Variants in SORCS1 observed in about 807,000 individuals in gnomAD.
SORCS1 encodes the protein sortilin related VPS10 domain containing receptor 1, also known as VPS10 domain-containing receptor SorCS1.
In SORCS1, 60 loss-of-function variants were observed where a neutral mutation model predicts 146.1. The ratio of observed to expected loss-of-function variants is 0.41; its 90% CI spans 0.33 to 0.51. The LOEUF (loss-of-function observed/expected upper bound fraction) is 0.51. Among genes scored for constraint, SORCS1 ranks in the 20% least tolerant of loss-of-function variants. SORCS1 has a pLI of 0.21. For missense variants in SORCS1, 1,352 were observed against 1,487.6 expected (o/e 0.91, Z 1.50); for synonymous variants, 637 against 584.0 (o/e 1.09, Z -1.31).
At chr10:106,636,901 T>C (rs957794219) in intron 18 of SORCS1, among the ~76,000 whole-genome samples, 4 of 152,194 alleles carry the variant, frequency 2.6e-5, no homozygotes, top group South Asian at 4.1e-4. Context: ...CATTCCCAGA[T>C]GGGTGCTAAA....
At chr10:107,002,883 A>G (rs1957276188) in intron 1 of SORCS1, among the ~76,000 whole-genome samples, 1 of 152,202 alleles carries the variant, frequency 6.6e-6, no homozygotes, top group South Asian at 2.1e-4. Flanking sequence ...GGGAGTTGTT[A>G]CTGAGATTCC....
chr10:106,878,874 G>A (rs1048698408), intron 2 of SORCS1, among the ~76,000 whole-genome samples: 8 of 151,354 alleles, frequency 5.3e-5, no homozygotes, highest in Non-Finnish European at 1.2e-4. Context: ...TTCCCTGGGC[G>A]CAATGACTCG....
chr10:106,894,266 T>TGTGC (rs1358237002), intron 2 of SORCS1, among the ~76,000 whole-genome samples: 2 of 110,798 alleles, frequency 1.8e-5, no homozygotes, highest in Non-Finnish European at 3.8e-5. Context: ...CGCGCGCACG[T>TGTGC]GTGCGTGTGT....
chr10:106,618,635 G>A (rs1241338492), intron 20 of SORCS1, among the ~76,000 whole-genome samples: 2 of 152,078 alleles, frequency 1.3e-5, no homozygotes, highest in African/African-American at 2.4e-5. Context: ...AATGAGAACG[G>A]GGGCTCATAT....
At chr10:106,976,829 G>A (rs1956046876) in intron 1 of SORCS1, among the ~76,000 whole-genome samples, 1 of 152,070 alleles carries the variant, frequency 6.6e-6, no homozygotes, top group South Asian at 2.1e-4. Context: ...TGAGGATGAT[G>A]GCTTCCAGCT....
chr10:107,125,809 T>C (rs1402344527), intron 1 of SORCS1, among the ~76,000 whole-genome samples: 1 of 152,182 alleles, frequency 6.6e-6, no homozygotes, highest in East Asian at 1.9e-4. Flanking sequence ...GATTTTAACA[T>C]TTCCAGCAAA....
chr10:106,590,797 G>A (rs888372358), intron 24 of SORCS1, among the ~76,000 whole-genome samples: 1 of 152,110 alleles, frequency 6.6e-6, no homozygotes, highest in African/African-American at 2.4e-5. Flanking sequence ...TGGGGCTACA[G>A]GTGCACGCCA....
intron 1 of SORCS1, among the ~76,000 whole-genome samples, chr10:107,100,238 G>A (rs1964822322): frequency 6.6e-6 from 1 of 152,216 alleles, no homozygotes; most frequent in South Asian, 2.1e-4. Flanking sequence ...AATAGGCCGG[G>A]TGCGGTGGCT....
At chr10:106,998,763 G>A (rs1564907246) in intron 1 of SORCS1, among the ~76,000 whole-genome samples, 1 of 152,056 alleles carries the variant, frequency 6.6e-6, no homozygotes, top group Non-Finnish European at 1.5e-5. Flanking sequence ...TAAAAAACTG[G>A]TGGTTATATC....
intron 6 of SORCS1, among the ~76,000 whole-genome samples, chr10:106,719,306 G>A (rs933057763): frequency 6.6e-6 from 1 of 152,138 alleles, no homozygotes; most frequent in African/African-American, 2.4e-5. Flanking sequence ...AGTGAGGGGA[G>A]AAGGTGTGCA....
chr10:106,716,966 T>C (rs1309792538), intron 6 of SORCS1, among the ~76,000 whole-genome samples: 1 of 152,168 alleles, frequency 6.6e-6, no homozygotes, highest in Non-Finnish European at 1.5e-5. Context: ...CAAAAAAATA[T>C]ATTACAGGTC....
At chr10:106,644,238 G>A (rs927712388) in intron 18 of SORCS1, among the ~76,000 whole-genome samples, 9 of 152,140 alleles carry the variant, frequency 5.9e-5, no homozygotes, top group Admixed American at 4.6e-4. Flanking sequence ...TTTTTACAAA[G>A]TGAATGCATC....
chr10:106,657,544 A>G (rs1244644648), intron 17 of SORCS1, among the ~76,000 whole-genome samples: 3 of 151,990 alleles, frequency 2.0e-5, no homozygotes, highest in African/African-American at 7.2e-5. Flanking sequence ...CTAAAATCTC[A>G]GGCTTCATCA....
chr10:106,633,535 T>G (rs1309125282), intron 18 of SORCS1, among the ~76,000 whole-genome samples: 4 of 152,122 alleles, frequency 2.6e-5, no homozygotes, highest in Non-Finnish European at 5.9e-5. Context: ...GTGTTCTAAG[T>G]AGGGGTTTAA....
At chr10:106,991,685 A>G (rs1956778372) in intron 1 of SORCS1, among the ~76,000 whole-genome samples, 1 of 152,166 alleles carries the variant, frequency 6.6e-6, no homozygotes, top group Non-Finnish European at 1.5e-5. Flanking sequence ...CCTGGAGCAG[A>G]GCTGGATTTT....
At chr10:106,588,663 C>T (rs1276306511) in intron 24 of SORCS1, among the ~76,000 whole-genome samples, 3 of 151,960 alleles carry the variant, frequency 2.0e-5, no homozygotes, top group East Asian at 2.0e-4. Flanking sequence ...AGATCGAGAC[C>T]ATCCTGGCCA....
chr10:106,607,382 G>A (rs939489304), intron 22 of SORCS1, 85 bp from the exon 23 acceptor site: 3 of 1,539,988 alleles, frequency 1.9e-6, no homozygotes, highest in South Asian at 1.2e-5. Context: ...GGGATCAGGG[G>A]TAGGCAGAAG....
intron 1 of SORCS1, among the ~76,000 whole-genome samples, chr10:106,984,053 CT>C (rs1403404407): frequency 1.3e-5 from 2 of 152,136 alleles, no homozygotes; most frequent in Non-Finnish European, 2.9e-5. Context: ...TTACCAATTC[CT>C]GGGTTAATGG....
chr10:106,968,183 C>A (rs922463469), intron 1 of SORCS1, among the ~76,000 whole-genome samples: 4 of 151,964 alleles, frequency 2.6e-5, no homozygotes, highest in Admixed American at 6.6e-5. Flanking sequence ...GCACTCCAGC[C>A]TGGGCGACAG....
Sources: allele counts gnomAD v4.1 joint callset (sites outside exome capture counted in the v4.1 genomes callset), GRCh38; gene constraint gnomAD v4.1.1; transcripts MANE v1.5; gene names NCBI Gene and HGNC (gene_info 2026-07-23, HGNC 2026-07-21).